Variants in GPHN observed in about 807,000 individuals in gnomAD.
The protein encoded by GPHN is gephyrin.
In GPHN, 17 loss-of-function variants were observed where a neutral mutation model predicts 95.5. The ratio of observed to expected loss-of-function variants is 0.18; its 90% CI spans 0.12 to 0.27. The LOEUF (loss-of-function observed/expected upper bound fraction) is 0.27. GPHN is among the 10% of genes least tolerant of loss of function. The pLI, the probability that GPHN is intolerant of heterozygous loss-of-function variation, is 1.00. For synonymous variants in GPHN, 320 were observed against 322.5 expected, an observed-to-expected ratio of 0.99 and a Z score of 0.08; for missense variants, 660 against 978.1, an observed-to-expected ratio of 0.67 and a Z score of 4.34.
chr14:66,784,102 T>C (rs2059693486), intron 3 of GPHN, among the ~76,000 whole-genome samples: 1 of 152,146 alleles, frequency 6.6e-6, no homozygotes, highest in South Asian at 2.1e-4. Flanking sequence ...GCACCTATTA[T>C]AAAAGTGCTT....
At chr14:66,771,456 G>A (rs1283098204) in intron 2 of GPHN, among the ~76,000 whole-genome samples, 6 of 152,088 alleles carry the variant, frequency 3.9e-5, no homozygotes, top group African/African-American at 7.2e-5. Flanking sequence ...GAACTCGCTC[G>A]ACCAGTTACC....
At chr14:67,453,720 G>A in the GPHN span, among the ~76,000 whole-genome samples, 1 of 152,136 alleles carries the variant, frequency 6.6e-6, no homozygotes, top group Non-Finnish European at 1.5e-5. Flanking sequence ...GTGCATGTAG[G>A]GCCACCATCT....
the GPHN span, chr14:67,615,615 G>T: frequency 1.3e-5 from 7 of 552,824 alleles, no homozygotes; most frequent in Non-Finnish European, 2.5e-5. Flanking sequence ...TTTCTAAGAA[G>T]TGCTTAGTGA....
intron 1 of GPHN, among the ~76,000 whole-genome samples, chr14:66,630,057 A>G (rs1335996449): frequency 6.6e-6 from 1 of 152,154 alleles, no homozygotes; most frequent in East Asian, 1.9e-4. Context: ...TGATGGGGGA[A>G]GGGAGTAGTC....
intron 21 of GPHN, among the ~76,000 whole-genome samples, chr14:67,178,432 T>A (rs1208491866): frequency 6.6e-6 from 1 of 152,182 alleles, no homozygotes; most frequent in African/African-American, 2.4e-5. Flanking sequence ...AGAGATCCAC[T>A]GTTATTTTGA....
chr14:66,994,384 A>G (rs886953318), intron 9 of GPHN, among the ~76,000 whole-genome samples: 2 of 152,054 alleles, frequency 1.3e-5, no homozygotes, highest in Non-Finnish European at 2.9e-5. Flanking sequence ...AAAAAGAAAA[A>G]GAAAAATCTA....
At chr14:67,365,008 G>A in the GPHN span, 2 of 1,575,324 alleles carry the variant, frequency 1.3e-6, no homozygotes, top group Non-Finnish European at 1.7e-6. Flanking sequence ...CAAAGAAAAA[G>A]GTAAGTGAGA....
At chr14:67,164,971 A>AGG (rs2082192200) in intron 19 of GPHN, among the ~76,000 whole-genome samples, 191 bp from the exon 20 acceptor site, 1 of 152,184 alleles carries the variant, frequency 6.6e-6, no homozygotes, top group Non-Finnish European at 1.5e-5. Context: ...GGTTACTTGA[A>AGG]AACAGGAAAT....
chr14:67,646,649 A>G, the GPHN span: 26 of 1,609,300 alleles, frequency 1.6e-5, no homozygotes, highest in Non-Finnish European at 2.2e-5. Context: ...CATAGGTACC[A>G]CAACTCCCAG....
At chr14:67,507,214 G>C in the GPHN span, among the ~76,000 whole-genome samples, 1 of 151,924 alleles carries the variant, frequency 6.6e-6, no homozygotes, top group African/African-American at 2.4e-5. Flanking sequence ...TGCTAATATA[G>C]GTGGTGCAAC....
the GPHN span, chr14:67,454,434 A>G: frequency 4.6e-5 from 7 of 152,354 alleles, no homozygotes; most frequent in East Asian, 1.2e-3. Context: ...CGCTAACTGC[A>G]TGGCATCCCC....
chr14:66,873,393 C>T (rs1373773740), intron 4 of GPHN, among the ~76,000 whole-genome samples: 2 of 152,178 alleles, frequency 1.3e-5, no homozygotes, highest in Non-Finnish European at 2.9e-5. Flanking sequence ...CCAGTGGCGC[C>T]TGGAATGCCA....
the GPHN span, chr14:67,576,607 A>G: frequency 3.3e-6 from 2 of 613,898 alleles, no homozygotes; most frequent in South Asian, 2.0e-5. The surrounding 1 kb of genome is among the most constrained non-coding windows in gnomAD (Gnocchi z 4.0). Flanking sequence ...AGCTGTTTTT[A>G]AAACATCTAA....
the GPHN span, among the ~76,000 whole-genome samples, chr14:67,225,962 T>TGTGTGTGTGTGTGTGTGC: frequency 9.1e-4 from 103 of 113,500 alleles, no homozygotes; most frequent in Non-Finnish European, 1.2e-3. Context: ...TGTGTGTGTG[T>TGTGTGTGTGTGTGTGTGC]GCGCGCGCGC....
At chr14:66,954,902 A>G (rs1475516438) in intron 8 of GPHN, among the ~76,000 whole-genome samples, 2 of 152,128 alleles carry the variant, frequency 1.3e-5, no homozygotes, top group African/African-American at 4.8e-5. Context: ...TTCTGTTAAC[A>G]TGGTGTATTT....
chr14:67,481,494 C>T, the GPHN span, among the ~76,000 whole-genome samples: 2 of 152,212 alleles, frequency 1.3e-5, no homozygotes, highest in South Asian at 2.1e-4. Context: ...AATGAAAGAC[C>T]TGAGTCAGGG....
the GPHN span, among the ~76,000 whole-genome samples, chr14:67,300,935 G>A: frequency 0.031 from 4,749 of 151,968 alleles, 97 homozygotes; most frequent in Non-Finnish European, 0.036. Context: ...TAAGCAATCC[G>A]CTTGCCTCAG....
At chr14:67,650,906 C>T in the GPHN span, 146 of 1,614,052 alleles carry the variant, frequency 9.0e-5, no homozygotes, top group African/African-American at 1.4e-3. Flanking sequence ...AAATCAAGCA[C>T]GTGTGAGAAT....
At chr14:66,681,504 TACA>T in intron 2 of GPHN, among the ~76,000 whole-genome samples, 1 of 152,288 alleles carries the variant, frequency 6.6e-6, no homozygotes, top group Non-Finnish European at 1.5e-5. Flanking sequence ...TGAATTTGTT[TACA>T]ACAATTTGAA....
Sources: gnomAD v4.1 joint callset for allele counts (sites outside exome capture counted in the v4.1 genomes callset) on GRCh38, gnomAD v4.1.1 for gene constraint, Gnocchi (gnomAD v3.1) non-coding constraint, MANE v1.5 for transcripts, NCBI Gene and HGNC (gene_info 2026-07-23, HGNC 2026-07-21) for gene names.